The following PPP6R2 variants were observed in gnomAD, a reference collection of about 807,000 sequenced individuals.
PPP6R2 encodes serine/threonine-protein phosphatase 6 regulatory subunit 2.
In PPP6R2, 62 loss-of-function variants were observed where a neutral mutation model predicts 100.2. The ratio of observed to expected loss-of-function variants is 0.62; its 90% confidence interval spans 0.50 to 0.76. The LOEUF (loss-of-function observed/expected upper bound fraction) is 0.76. PPP6R2 is among the 30% of genes least tolerant of loss of function. PPP6R2 has a pLI of 0.00. For missense variants in PPP6R2, 1,142 were observed against 1,276.3 expected (o/e 0.89, Z 1.60); for synonymous variants, 525 against 514.7 (o/e 1.02, Z -0.27).
intron 1 of PPP6R2, among the ~76,000 whole-genome samples, chr22:50,364,630 G>C (rs1192622524): frequency 6.6e-6 from 1 of 152,218 alleles, no homozygotes; most frequent in Admixed American, 6.5e-5. Context: ...TCAGAAAGTT[G>C]ACAAAGGTAG....
At chr22:50,363,117 G>A (rs1569293765) in intron 1 of PPP6R2, among the ~76,000 whole-genome samples, 3 of 152,142 alleles carry the variant, frequency 2.0e-5, no homozygotes, top group Admixed American at 2.0e-4. Flanking sequence ...GTGGATTTTT[G>A]TCACTTCTTG....
chr22:50,331,326 G>A, the PPP6R2 span, among the ~76,000 whole-genome samples: 1,728 of 152,218 alleles, frequency 0.011, 24 homozygotes, highest in African/African-American at 0.039. Flanking sequence ...ATATGTAGGA[G>A]TGAAAGTATT....
the PPP6R2 span, among the ~76,000 whole-genome samples, chr22:50,337,301 T>G: frequency 7.7e-4 from 102 of 131,680 alleles, 1 homozygote; most frequent in African/African-American, 2.7e-3. Context: ...TATGTGGGGG[T>G]GTGTGTGTGC....
intron 2 of PPP6R2, among the ~76,000 whole-genome samples, chr22:50,380,238 T>C (rs982908439): frequency 6.6e-6 from 1 of 151,930 alleles, no homozygotes; most frequent in Non-Finnish European, 1.5e-5. Flanking sequence ...TTTCTTTTTT[T>C]TTTTTGGTAT....
intron 22 of PPP6R2, among the ~76,000 whole-genome samples, chr22:50,441,401 G>C (rs142796081): frequency 0.012 from 1,779 of 152,322 alleles, 32 homozygotes; most frequent in Middle Eastern, 0.051. Context: ...CTCTGGGCCT[G>C]GCTGAGCCGC....
At chr22:50,369,905 ATTTTTT>A (rs1353992863) in intron 1 of PPP6R2, among the ~76,000 whole-genome samples, 3 of 123,642 alleles carry the variant, frequency 2.4e-5, no homozygotes, top group African/African-American at 1.0e-4. Context: ...CAGCTAAGTA[ATTTTTT>A]TTTTTTTTTT....
intron 22 of PPP6R2, among the ~76,000 whole-genome samples, chr22:50,442,216 G>A (rs1283328695): frequency 1.3e-5 from 2 of 152,180 alleles, no homozygotes; most frequent in African/African-American, 2.4e-5. Flanking sequence ...CACCTCAGAG[G>A]GTCCTGCTCA....
chr22:50,355,841 GA>G (rs201199718), intron 1 of PPP6R2, among the ~76,000 whole-genome samples: 24 of 126,460 alleles, frequency 1.9e-4, no homozygotes, highest in East Asian at 4.5e-4. Flanking sequence ...CTTTAAAATG[GA>G]AAAAAAAAAA....
chr22:50,430,300 G>A (rs767323652), intron 10 of PPP6R2, among the ~76,000 whole-genome samples: 2 of 152,220 alleles, frequency 1.3e-5, no homozygotes, highest in African/African-American at 2.4e-5. Context: ...GTCTGAATGT[G>A]CCCCTCACAG....
chr22:50,401,063 AT>A (rs2057934901), intron 3 of PPP6R2, among the ~76,000 whole-genome samples: 1 of 151,738 alleles, frequency 6.6e-6, no homozygotes, highest in African/African-American at 2.4e-5. Context: ...TTCTACCATT[AT>A]TTTTTGTTTG....
At chr22:50,382,455 A>G (rs562401650) in intron 2 of PPP6R2, among the ~76,000 whole-genome samples, 9 of 151,482 alleles carry the variant, frequency 5.9e-5, no homozygotes, top group Non-Finnish European at 1.0e-4. Context: ...AAACTAAGCC[A>G]GGCATGGTGG....
At chr22:50,356,308 T>C (rs1304966866) in intron 1 of PPP6R2, among the ~76,000 whole-genome samples, 5 of 147,980 alleles carry the variant, frequency 3.4e-5, no homozygotes, top group Non-Finnish European at 7.5e-5. Flanking sequence ...ATTTTTCCTT[T>C]TTTTTTTTTT....
Position 50,435,029 on chromosome 22 carries a change from G to A in PPP6R2, c.1464G>A (p.Val488=). The stretch of plus-strand genomic sequence containing the variant: ...TCACACGGATCGCCAACGCGGTGGT[G>A]CAGAACCTGGAGCGGGGCCCTGTGC... ...GHLTRIANAV[V]QNLERGPVQT... The change falls in exon 13 of 24, where the codon GTG becomes GTA. Residue 488 remains valine, a synonymous_variant. Coordinates refer to ENST00000612753, the MANE Select transcript of PPP6R2 (RefSeq NM_001242898.2). 1.2e-6 allele frequency: 2 copies of A among 1,601,604 alleles called. No individual in the cohort carries two copies. The highest frequency in any genetic ancestry group is 8.5e-7 in the Non-Finnish European group (1 of 1,173,744).
intron 22 of PPP6R2, among the ~76,000 whole-genome samples, chr22:50,441,894 G>A (rs978101551): frequency 1.3e-5 from 2 of 152,178 alleles, no homozygotes; most frequent in Admixed American, 6.5e-5. Flanking sequence ...TAAACCTGAG[G>A]GGGAGGGTAG....
chr22:50,397,368 G>A (rs78442794), intron 3 of PPP6R2, among the ~76,000 whole-genome samples: 4,868 of 152,250 alleles, frequency 0.032, 266 homozygotes, highest in African/African-American at 0.11. Flanking sequence ...GAGGGAAGTC[G>A]GGTGGTGGGA....
At chr22:50,339,056 TGTG>T (rs2042338008), upstream of PPP6R2, among the ~76,000 whole-genome samples, 2 of 126,088 alleles carry the variant, frequency 1.6e-5, no homozygotes, top group African/African-American at 3.2e-5. Flanking sequence ...TAGTGTGTTA[TGTG>T]GTGTGGTGTA....
intron 1 of PPP6R2, among the ~76,000 whole-genome samples, chr22:50,353,704 C>G (rs1385818771): frequency 6.6e-6 from 1 of 151,804 alleles, no homozygotes; most frequent in African/African-American, 2.4e-5. Context: ...GCACGTTAGA[C>G]AAAGTACGCC....
rs1288276565 is a variant in PPP6R2, at chr22:50,419,451, C to T, written c.834C>T (p.Thr278=). 6.2e-7 allele frequency: 1 copy of T among 1,613,958 alleles called. No homozygotes were observed. The highest frequency in any genetic ancestry group is 1.3e-5 in the African/African-American group (1 of 75,068). The change falls in exon 8 of 24, where the codon ACC becomes ACT. Residue 278 remains threonine (T), a synonymous_variant. Transcript: ENST00000612753. ...GTQVLLTLLE[T]RRVGTEGLVD... is the part of the protein sequence containing the mutation. Reference sequence around the variant, plus strand: ...AGGTGTTACTCACCTTGCTGGAAACCAGGCGGGTTGGGTGAGTCTCACGAG... The same window carrying T: ...AGGTGTTACTCACCTTGCTGGAAACTAGGCGGGTTGGGTGAGTCTCACGAG...
chr22:50,440,497 C>T (rs1569497303), intron 21 of PPP6R2, among the ~76,000 whole-genome samples: 1 of 152,194 alleles, frequency 6.6e-6, no homozygotes, highest in South Asian at 2.1e-4. Flanking sequence ...CTGGTGTCCC[C>T]GGTTTTGGGG....
Sources: gnomAD v4.1 joint callset for allele counts (sites outside exome capture counted in the v4.1 genomes callset) on GRCh38, gnomAD v4.1.1 for gene constraint, MANE v1.5 for transcripts, NCBI Gene and HGNC (gene_info 2026-07-23, HGNC 2026-07-21) for gene names.